Variants in CUL9 observed in about 807,000 individuals in gnomAD.
The protein encoded by CUL9 is cullin-9.
CUL9 carries 79 observed loss-of-function variants against 272.6 expected under a neutral mutation model. The observed-to-expected ratio is 0.29, with a 90% confidence interval of 0.24 to 0.35. The LOEUF (loss-of-function observed/expected upper bound fraction) is 0.35, where lower values mean the gene tolerates loss of function less well. Among genes scored for constraint, CUL9 ranks in the 10% least tolerant of loss-of-function variants. The probability of loss-of-function intolerance (pLI) is 1.00; values close to 1 mark genes in which losing one functional copy is unlikely to be tolerated. For synonymous variants in CUL9, 1,186 were observed against 1,286.5 expected, an observed-to-expected ratio of 0.92 and a Z score of 1.67; for missense variants, 2,532 against 3,255.6, an observed-to-expected ratio of 0.78 and a Z score of 5.41.
Position 43,206,403 on chromosome 6 carries a change from C to T in CUL9, c.5105C>T (p.Pro1702Leu), listed in dbSNP as rs769568359. The change falls in exon 26 of 41, where the codon CCA becomes CTA. Residue 1702 changes from proline to leucine, a missense_variant. This residue lies in a region of CUL9 where 2,218 missense variants were observed against 2,788.6 expected (regional missense o/e 0.80). Transcript: ENST00000252050. This position sits in a 1 kb window ranked among gnomAD's most constrained non-coding sequence, Gnocchi z 4.8. ...GCCATTTCTATACTGGTCCTGTCAC[C>T]ACGCTGCTGGCCCGTCTCCCCACTC... ...SPAISILVLS[P>L]RCWPVSPLCY... is the part of the protein sequence containing the mutation. The T allele has an allele frequency of 1.9e-6, 3 of 1,614,162 alleles. No homozygotes were observed. Among genetic ancestry groups the T allele is most frequent in the South Asian group, 1.1e-5 (1 of 91,074 alleles).
At chr6:43,192,821 G>T (rs1366036654) in intron 8 of CUL9, among the ~76,000 whole-genome samples, 180 bp from the exon 9 acceptor site, 1 of 152,212 alleles carries the variant, frequency 6.6e-6, no homozygotes, top group Admixed American at 6.5e-5. Context: ...GAGGCAGTTA[G>T]GCTGCAGAGG....
rs762500379 is a variant in CUL9 at position 43,204,492 on chromosome 6, A to T, written c.4292A>T (p.His1431Leu). ...CGTCGCCTTTGCCACTTGCTGGTGC[A>T]TGTGGAACCTCCTCCTGGGCCTTCT... ...RVRRLCHLLV[H>L]VEPPPGPSPE... is the part of the protein sequence containing the mutation. The change falls in exon 21 of 41, where the codon CAT (histidine) becomes CTT (leucine). Residue 1431 changes from histidine to leucine, a missense_variant. Transcript: ENST00000252050. 6.2e-7 allele frequency: 1 copy of T among 1,614,074 alleles called. No homozygotes were observed.
At position 43,213,240 on chromosome 6, in the gene CUL9, A is replaced by G; in HGVS notation, c.5304A>G (p.Ile1768Met). 1 of 1,612,200 alleles carries G rather than the reference A, an allele frequency of 6.2e-7. No homozygotes were observed. Among genetic ancestry groups the G allele is most frequent in the South Asian group, 1.1e-5 (1 of 90,944 alleles). ...CTGAGCTGCAGTTTGGGAAGCAGATACTGCATGTGTCCACCGTGCAGATGT... is the reference window on the plus strand; with the variant it reads ...CTGAGCTGCAGTTTGGGAAGCAGATGCTGCATGTGTCCACCGTGCAGATGT... Reference protein sequence around the residue: ...GRAELQFGKQILHVSTVQMWL... With the variant: ...GRAELQFGKQMLHVSTVQMWL... The change falls in exon 27 of 41, where the codon ATA (isoleucine) becomes ATG (methionine). Residue 1768 changes from isoleucine (I) to methionine (M), a missense_variant. Coordinates refer to ENST00000252050, the MANE Select transcript of CUL9 (RefSeq NM_015089.4). The surrounding 1 kb of genome is among the most constrained non-coding windows in gnomAD (Gnocchi z 5.7).
chr6:43,202,900 C>A (rs1437413759), intron 17 of CUL9, 79 bp downstream of exon 17: 4 of 1,417,372 alleles, frequency 2.8e-6, no homozygotes, highest in Non-Finnish European at 4.0e-6. Flanking sequence ...GACCTAGTCC[C>A]TGGGGAATGG....
chr6:43,221,075 TG>T lies in CUL9; in HGVS notation c.6589-82del. The stretch of plus-strand genomic sequence containing the variant: ...CCTGGAGCCCTCCAAATGTGATCTG[TG>T]CCTGCTCCCCTCTCTCCTGTGCACA... On this transcript the variant is annotated intron_variant, in intron 33 of 40. Transcript: ENST00000252050. This position sits in a 1 kb window ranked among gnomAD's most constrained non-coding sequence, Gnocchi z 4.2. 1.3e-6 allele frequency: 2 copies of T among 1,525,582 alleles called. No homozygotes were observed. The highest frequency in any genetic ancestry group is 1.8e-6 in the Non-Finnish European group (2 of 1,131,902). The allele number at this position is 1,525,582 out of a possible 1,614,324, so 94.5% of individuals were successfully genotyped here.
Position 43,213,998 on chromosome 6 carries a change from A to G in CUL9, c.5688+86A>G. ...TGAACACAGTGAACTCTTTCAATAT[A>G]AGACTTCTGTAGGGTGACATTTCCA... On this transcript the variant is annotated intron_variant, in intron 29 of 40. Transcript: ENST00000252050. This position sits in a 1 kb window ranked among gnomAD's most constrained non-coding sequence, Gnocchi z 5.7. 7.4e-7 allele frequency: 1 copy of G among 1,348,498 alleles called. No homozygotes were observed. The highest frequency in any genetic ancestry group is 1.1e-6 in the Non-Finnish European group (1 of 948,954). 83.5% of individuals were successfully genotyped at this position (1,348,498 alleles called of 1,614,324 possible).
At chr6:43,217,985 G>A (rs1336140921) in intron 31 of CUL9, among the ~76,000 whole-genome samples, 1 of 152,084 alleles carries the variant, frequency 6.6e-6, no homozygotes, top group African/African-American at 2.4e-5. Flanking sequence ...CATGACAGAG[G>A]GAGACACTCA....
Position 43,206,132 on chromosome 6 carries a change from C to T in CUL9, c.4919C>T (p.Ser1640Phe). ...PQLMLQSLST[S>F]EELQRQFHLF... ...CTGATGCTGCAGAGCCTGAGCACCT[C>T]TGAGGAGCTGCAGCGCCAGTTCCAC... The change falls in exon 25 of 41, where the codon TCT becomes TTT. Residue 1640 changes from serine to phenylalanine, a missense_variant. Ser to Phe is a radical substitution (Grantham distance 155). This residue lies in a region of CUL9 where 2,218 missense variants were observed against 2,788.6 expected (regional missense o/e 0.80). Coordinates refer to ENST00000252050, the MANE Select transcript of CUL9 (RefSeq NM_015089.4). The surrounding 1 kb of genome is among the most constrained non-coding windows in gnomAD (Gnocchi z 4.8). The T allele has an allele frequency of 6.2e-7, 1 of 1,614,188 alleles. No individual in the cohort carries two copies. The highest frequency in any genetic ancestry group is 2.2e-5 in the East Asian group (1 of 44,882).
At chr6:43,214,418 A>G (rs1304180983) in intron 29 of CUL9, among the ~76,000 whole-genome samples, 10 of 152,138 alleles carry the variant, frequency 6.6e-5, no homozygotes, top group Admixed American at 2.6e-4. Context: ...CTCTGTCTCA[A>G]AAAGAAAAAA....
At position 43,221,537 on chromosome 6, in the gene CUL9, G is replaced by C; in HGVS notation, c.6753-148G>C. On this transcript the variant is annotated intron_variant, in intron 34 of 40. Transcript: ENST00000252050. This position sits in a 1 kb window ranked among gnomAD's most constrained non-coding sequence, Gnocchi z 4.2. The stretch of plus-strand genomic sequence containing the variant: ...ACTGGGGGAGTTCAAAAGCAGAGGT[G>C]CATTCAGCAGGGCTGGGTATGACTA... 1.2e-6 allele frequency: 1 copy of C among 860,900 alleles called. No individual in the cohort carries two copies. The highest frequency in any genetic ancestry group is 1.8e-6 in the Non-Finnish European group (1 of 562,662). 53.3% of individuals were successfully genotyped at this position (860,900 alleles called of 1,614,324 possible). A position where few individuals can be genotyped will look rare whatever the true frequency, so the allele number is the denominator to read the frequency against.
rs1356673746 is a variant in CUL9 at position 43,220,969 on chromosome 6, A to G, written c.6588+58A>G. ...AAGGATTCACACTCCTTCCCTGCTT[A>G]ATATCCCCACCCCGCCACACACACA... On this transcript the variant is annotated intron_variant, in intron 33 of 40. Transcript: ENST00000252050. The surrounding 1 kb of genome is among the most constrained non-coding windows in gnomAD (Gnocchi z 4.9). The G allele has an allele frequency of 3.3e-6, 5 of 1,514,830 alleles. No homozygotes were observed. The highest frequency in any genetic ancestry group is 4.4e-6 in the Non-Finnish European group (5 of 1,125,858). The allele number at this position is 1,514,830 out of a possible 1,614,324, so 93.8% of individuals were successfully genotyped here.
chr6:43,214,970 G>T (rs940946405), intron 29 of CUL9, 109 bp from the exon 30 acceptor site: 2 of 1,323,318 alleles, frequency 1.5e-6, no homozygotes, highest in African/African-American at 1.5e-5. Flanking sequence ...GAGCAAGACT[G>T]TCTCTTAAAA....
chr6:43,192,930 A>G (rs570840886), intron 8 of CUL9, 71 bp from the exon 9 acceptor site: 221 of 1,397,032 alleles, frequency 1.6e-4, no homozygotes, highest in Non-Finnish European at 2.1e-4. Context: ...AGGGAGTCCG[A>G]CGGTGCCATG....
rs1776372563 is a variant in CUL9, at chr6:43,221,605, C to CTGT, written c.6753-80_6753-79insTGT. ...GGAGCAGAGGCCACAGCATCAACAG[C>CTGT]GGTACATCTGGGCCCTTGGCATTCC... On this transcript the variant is annotated intron_variant, in intron 34 of 40. Coordinates refer to ENST00000252050, the MANE Select transcript of CUL9 (RefSeq NM_015089.4). The surrounding 1 kb of genome is among the most constrained non-coding windows in gnomAD (Gnocchi z 4.2). 7.7e-7 allele frequency: 1 copy of CTGT among 1,293,522 alleles called. No homozygotes were observed. The highest frequency in any genetic ancestry group is 1.1e-6 in the Non-Finnish European group (1 of 908,788). 80.1% of individuals were successfully genotyped at this position (1,293,522 alleles called of 1,614,324 possible). A position where few individuals can be genotyped will look rare whatever the true frequency, so the allele number is the denominator to read the frequency against.
intron 16 of CUL9, 133 bp from the exon 17 acceptor site, chr6:43,202,583 A>C: frequency 1.4e-6 from 1 of 710,228 alleles, no homozygotes; most frequent in Non-Finnish European, 2.5e-6. Context: ...GGGGTCTTGC[A>C]GTGTTGCCCA....
Position 43,184,514 on chromosome 6 carries a change from G to T in CUL9, c.204G>T (p.Ser68=). 1.2e-6 allele frequency: 2 copies of T among 1,612,470 alleles called. No homozygotes were observed. The highest frequency in any genetic ancestry group is 1.7e-6 in the Non-Finnish European group (2 of 1,178,826). The change falls in exon 2 of 41, where the codon TCG becomes TCT. Residue 68 remains serine, a synonymous_variant. Transcript: ENST00000252050. This position sits in a 1 kb window ranked among gnomAD's most constrained non-coding sequence, Gnocchi z 4.8. Reference sequence around the variant, plus strand: ...CAGAGCACATCCTCATGTGGCTGTCGGCTCCTGAGGTCTACGCCAACTGCC... The same window carrying T: ...CAGAGCACATCCTCATGTGGCTGTCTGCTCCTGAGGTCTACGCCAACTGCC... ...GKAEHILMWL[S]APEVYANCPG...
chr6:43,188,045 T>C lies in CUL9; in HGVS notation c.1914T>C (p.Asp638=), dbSNP rs1454112524. ...TRTETPMAQS[D]SQLFNQLLVT... ...CCGAGACCCCCATGGCACAGAGTGATTCTCAGCTGTTTAACCAGCTTCTGG... is the reference window on the plus strand; with the variant it reads ...CCGAGACCCCCATGGCACAGAGTGACTCTCAGCTGTTTAACCAGCTTCTGG... Residue 638 remains aspartate (D), a synonymous_variant, in exon 7 of 41, where the codon GAT becomes GAC. Transcript: ENST00000252050. The C allele has an allele frequency of 6.2e-7, 1 of 1,611,850 alleles. No individual in the cohort carries two copies. The highest frequency in any genetic ancestry group is 1.4e-5 in the African/African-American group (1 of 74,038).
At position 43,203,040 on chromosome 6, in the gene CUL9, T is replaced by C. The variant is rs577738865; in HGVS notation, c.3754-69T>C. The C allele has an allele frequency of 3.9e-6, 6 of 1,549,198 alleles. No individual in the cohort carries two copies. In the Admixed American group the frequency reaches 1.0e-4, roughly 26 times the overall value. ...CACACACCATGACCGACTTGGTTACTGTCAACAATTTTTCCAACCTTGTTT... is the reference window on the plus strand; with the variant it reads ...CACACACCATGACCGACTTGGTTACCGTCAACAATTTTTCCAACCTTGTTT... On this transcript the variant is annotated intron_variant, in intron 17 of 40. Coordinates refer to ENST00000252050, the MANE Select transcript of CUL9 (RefSeq NM_015089.4). This position sits in a 1 kb window ranked among gnomAD's most constrained non-coding sequence, Gnocchi z 5.0.
chr6:43,198,828 A>T lies in CUL9; in HGVS notation c.3023A>T (p.Asn1008Ile). Reference sequence around the variant, plus strand: ...CGGACTCTGGATGCTCCGGGGCCCAACAAGACTCTGCTGCTGTCTGTGCTG... The same window carrying T: ...CGGACTCTGGATGCTCCGGGGCCCATCAAGACTCTGCTGCTGTCTGTGCTG... The part of the protein sequence containing the change: ...LLRTLDAPGP[N>I]KTLLLSVLRV... Residue 1008 changes from asparagine (N) to isoleucine (I), a missense_variant, in exon 12 of 41, where the codon AAC becomes ATC. Physicochemically the swap from Asn to Ile is moderately radical, Grantham distance 149. Coordinates refer to ENST00000252050, the MANE Select transcript of CUL9 (RefSeq NM_015089.4). 2.5e-6 allele frequency: 4 copies of T among 1,613,714 alleles called. No individual in the cohort carries two copies. The highest frequency in any genetic ancestry group is 3.4e-6 in the Non-Finnish European group (4 of 1,180,040).
Sources: allele counts gnomAD v4.1 joint callset (sites outside exome capture counted in the v4.1 genomes callset), GRCh38; gene constraint gnomAD v4.1.1; regional missense constraint gnomAD v4.1.1; non-coding constraint Gnocchi (gnomAD v3.1); transcripts MANE v1.5; gene names NCBI Gene and HGNC (gene_info 2026-07-23, HGNC 2026-07-21).